Variants in PLXDC2 observed in about 807,000 individuals in gnomAD.
PLXDC2 encodes the protein plexin domain containing 2.
PLXDC2 carries 40 observed loss-of-function variants against 68.9 expected under a neutral mutation model. That is an observed-to-expected ratio of 0.58 (90% CI 0.45 to 0.76). The LOEUF (loss-of-function observed/expected upper bound fraction) is 0.76. Among genes scored for constraint, PLXDC2 ranks in the 30% least tolerant of loss-of-function variants. The pLI is 0.00. For synonymous variants in PLXDC2, 243 were observed against 234.2 expected (o/e 1.04, Z -0.34); for missense variants, 644 against 661.9 (o/e 0.97, Z 0.30).
At chr10:19,914,508 T>C (rs1224859572) in intron 1 of PLXDC2, among the ~76,000 whole-genome samples, 1 of 152,204 alleles carries the variant, frequency 6.6e-6, no homozygotes, top group Non-Finnish European at 1.5e-5. Context: ...TCACGAGAAA[T>C]AAATGATAAG....
intron 4 of PLXDC2, among the ~76,000 whole-genome samples, chr10:20,110,586 C>T (rs566568776): frequency 6.6e-6 from 1 of 152,278 alleles, no homozygotes; most frequent in African/African-American, 2.4e-5. Flanking sequence ...CACTCTCAGG[C>T]ATCACCAAGA....
chr10:20,254,396 C>T (rs1387441877), intron 13 of PLXDC2, among the ~76,000 whole-genome samples: 5 of 152,142 alleles, frequency 3.3e-5, no homozygotes, highest in Admixed American at 2.6e-4. Flanking sequence ...GTTAGGAAGA[C>T]GCGATCTGTG....
At chr10:20,231,260 T>C (rs115607491) in intron 12 of PLXDC2, among the ~76,000 whole-genome samples, 1 of 149,768 alleles carries the variant, frequency 6.7e-6, no homozygotes, top group Admixed American at 6.7e-5. Context: ...TATATGAATA[T>C]TGACAAATAT....
intron 2 of PLXDC2, among the ~76,000 whole-genome samples, chr10:20,014,111 A>C (rs1013741814): frequency 6.6e-6 from 1 of 152,242 alleles, no homozygotes; most frequent in Non-Finnish European, 1.5e-5. Flanking sequence ...CTCTATGGAA[A>C]GTAATGTTTT....
intron 9 of PLXDC2, among the ~76,000 whole-genome samples, chr10:20,189,542 T>TACACACACATATATATAC (rs1554773641): frequency 2.5e-5 from 3 of 118,994 alleles, no homozygotes; most frequent in African/African-American, 8.7e-5. Context: ...CACATATATA[T>TACACACACATATATATAC]ACACACACAC....
At chr10:19,960,210 A>T (rs1452497342) in intron 1 of PLXDC2, among the ~76,000 whole-genome samples, 1 of 151,034 alleles carries the variant, frequency 6.6e-6, no homozygotes, top group African/African-American at 2.4e-5. Flanking sequence ...AAAAAAAAAA[A>T]AAAAATTAGC....
chr10:20,134,632 G>A (rs559163468), intron 4 of PLXDC2, among the ~76,000 whole-genome samples: 76 of 152,270 alleles, frequency 5.0e-4, no homozygotes, highest in African/African-American at 1.6e-3. Context: ...CTACATCTTG[G>A]GTCTATGGGA....
Position 20,217,596 on chromosome 10 carries a change from CTTTTTTTTTTTTT to C in PLXDC2, c.1273+36_1273+48del, listed in dbSNP as rs66483508. On this transcript the variant is annotated intron_variant, in intron 11 of 13. Coordinates refer to ENST00000377252, the MANE Select transcript of PLXDC2 (RefSeq NM_032812.9). ...CAGAAGGTACCCAAGAGATAGTTTGCTTTTTTTTTTTTTTTTTTTTTTTTTTTTCCCTGAAGGA... is the reference window on the plus strand; with the variant it reads ...CAGAAGGTACCCAAGAGATAGTTTGCTTTTTTTTTTTTTTTCCCTGAAGGA... The C allele has an allele frequency of 5.7e-5, 45 of 785,122 alleles. No individual in the cohort carries two copies. Among genetic ancestry groups the C allele is most frequent in the Middle Eastern group, 5.7e-4 (1 of 1,754 alleles). The allele number at this position is 785,122 out of a possible 1,614,324, so 48.6% of individuals were successfully genotyped here.
chr10:19,903,905 AT>A (rs546385078), intron 1 of PLXDC2, among the ~76,000 whole-genome samples: 1 of 151,862 alleles, frequency 6.6e-6, no homozygotes, highest in African/African-American at 2.4e-5. Flanking sequence ...CAGTTCAAAT[AT>A]TTTTTTAATT....
At chr10:20,165,955 G>T (rs568540510) in intron 7 of PLXDC2, among the ~76,000 whole-genome samples, 3 of 152,166 alleles carry the variant, frequency 2.0e-5, no homozygotes, top group African/African-American at 7.2e-5. Context: ...TTGGGGTGGG[G>T]GGTGTTTGTG....
At chr10:20,125,533 G>C (rs781593141) in intron 4 of PLXDC2, among the ~76,000 whole-genome samples, 7 of 152,100 alleles carry the variant, frequency 4.6e-5, no homozygotes, top group Non-Finnish European at 1.5e-5. Context: ...CTCTGAGATT[G>C]CAAAAGGGCA....
intron 4 of PLXDC2, among the ~76,000 whole-genome samples, chr10:20,080,903 A>G (rs1345030445): frequency 4.6e-5 from 7 of 152,226 alleles, no homozygotes; most frequent in Admixed American, 4.6e-4. Context: ...AACACTTAAA[A>G]GGTAACTTCC....
intron 1 of PLXDC2, among the ~76,000 whole-genome samples, chr10:19,933,145 A>G (rs938123878): frequency 1.2e-4 from 19 of 152,172 alleles, no homozygotes; most frequent in African/African-American, 4.6e-4. Context: ...TTGGGAAACT[A>G]CTTAACTCCT....
At chr10:19,900,922 A>G (rs1425473416) in intron 1 of PLXDC2, among the ~76,000 whole-genome samples, 5 of 151,822 alleles carry the variant, frequency 3.3e-5, no homozygotes, top group Non-Finnish European at 7.4e-5. Flanking sequence ...AGGTTGCTGC[A>G]AATGCCATTA....
chr10:20,203,645 A>G lies in PLXDC2; in HGVS notation c.1062-8024A>G, dbSNP rs530524258. 3.3e-5 allele frequency among the ~76,000 whole-genome samples: 5 copies of G among 151,892 alleles called. No individual in the cohort carries two copies. The South Asian group carries it at 1.0e-3, about 32-fold the overall frequency. On this transcript the variant is annotated intron_variant, in intron 9 of 13. Coordinates refer to ENST00000377252, the MANE Select transcript of PLXDC2 (RefSeq NM_032812.9). ...TTTTTTTTTTTAAGTGAGATGACAG[A>G]ATTGGAAGAATAAAAGTCCCTGATG...
chr10:19,980,000 G>C (rs1834525580), intron 1 of PLXDC2, among the ~76,000 whole-genome samples: 2 of 152,070 alleles, frequency 1.3e-5, no homozygotes, highest in Non-Finnish European at 2.9e-5. Context: ...TATATCCTGG[G>C]TACCATTTGA....
chr10:19,921,852 AT>A (rs1017132661), intron 1 of PLXDC2, among the ~76,000 whole-genome samples: 6 of 151,696 alleles, frequency 4.0e-5, no homozygotes, highest in Admixed American at 6.6e-5. Flanking sequence ...TAATTGTTCA[AT>A]TTTTTTTAAT....
chr10:19,865,169 G>C (rs1306461718), intron 1 of PLXDC2, among the ~76,000 whole-genome samples: 2 of 152,190 alleles, frequency 1.3e-5, no homozygotes, highest in African/African-American at 2.4e-5. Context: ...GAGGAGGAAA[G>C]TAGATTTGTG....
At chr10:20,146,438 TCTTTCTTC>T (rs1315500902) in intron 5 of PLXDC2, among the ~76,000 whole-genome samples, 3 of 150,584 alleles carry the variant, frequency 2.0e-5, no homozygotes, top group Admixed American at 1.3e-4. Context: ...TCTTTTTCTT[TCTTTCTTC>T]CTTTCTTCCT....
Sources: allele counts gnomAD v4.1 joint callset (sites outside exome capture counted in the v4.1 genomes callset), GRCh38; gene constraint gnomAD v4.1.1; transcripts MANE v1.5; gene names NCBI Gene and HGNC (gene_info 2026-07-23, HGNC 2026-07-21).